The following BCHE variants were observed in gnomAD, a reference collection of about 807,000 sequenced individuals.
BCHE encodes the protein butyrylcholinesterase.
BCHE carries 48 observed loss-of-function variants against 51.3 expected under a neutral mutation model. The observed-to-expected ratio is 0.94, with a 90% CI of 0.74 to 1.19. The LOEUF (loss-of-function observed/expected upper bound fraction) is 1.19. Among genes scored for constraint, BCHE ranks in the 50% most tolerant of loss-of-function variants. BCHE has a pLI of 0.00. For synonymous variants in BCHE, 251 were observed against 238.0 expected (o/e 1.05, Z -0.50); for missense variants, 847 against 708.2 (o/e 1.20, Z -2.23).
intron 3 of BCHE, among the ~76,000 whole-genome samples, chr3:165,782,355 T>C (rs1367520664): frequency 6.6e-6 from 1 of 152,142 alleles, no homozygotes; most frequent in Non-Finnish European, 1.5e-5. Context: ...ATCAATTTTT[T>C]GTTTAATGCC....
chr3:165,783,031 G>T (rs1712767908), intron 3 of BCHE, among the ~76,000 whole-genome samples: 1 of 152,044 alleles, frequency 6.6e-6, no homozygotes, highest in Admixed American at 6.6e-5. Flanking sequence ...ATGCAAAGGT[G>T]AATTAACCCA....
chr3:165,805,998 G>C (rs2108217691), intron 2 of BCHE, among the ~76,000 whole-genome samples: 1 of 152,072 alleles, frequency 6.6e-6, no homozygotes, highest in East Asian at 1.9e-4. Flanking sequence ...TAGACCATTT[G>C]TATTGCTGCC....
At chr3:165,804,517 G>T (rs1227368828) in intron 2 of BCHE, among the ~76,000 whole-genome samples, 1 of 152,182 alleles carries the variant, frequency 6.6e-6, no homozygotes, top group East Asian at 1.9e-4. Context: ...GGCAAGTCTA[G>T]ATGGGAGACA....
chr3:165,776,936 G>A (rs16849620), intron 3 of BCHE, among the ~76,000 whole-genome samples: 3,434 of 151,664 alleles, frequency 0.023, 76 homozygotes, highest in African/African-American at 0.055. Context: ...TCAGCTGATG[G>A]CATTTAAATA....
At position 165,774,129 on chromosome 3, in the gene BCHE, G is replaced by A. The variant is rs1712367030; in HGVS notation, c.1685-623C>T. 2.0e-5 allele frequency among the ~76,000 whole-genome samples: 3 copies of A among 151,946 alleles called. No homozygotes were observed. The South Asian group carries it at 6.2e-4, about 32-fold the overall frequency. ...TGTTTATTATATTATATTGTTTAAGGAATAATGATAAGAAAAAAAGGTCTG... is the reference window on the plus strand; with the variant it reads ...TGTTTATTATATTATATTGTTTAAGAAATAATGATAAGAAAAAAAGGTCTG... On this transcript the variant is annotated intron_variant, in intron 3 of 3. Coordinates refer to ENST00000264381, the MANE Select transcript of BCHE (RefSeq NM_000055.4).
chr3:165,797,064 G>A (rs1713408824), intron 2 of BCHE, among the ~76,000 whole-genome samples: 1 of 151,928 alleles, frequency 6.6e-6, no homozygotes, highest in African/African-American at 2.4e-5. Flanking sequence ...GAATTGGGCT[G>A]AATACTAAAT....
intron 2 of BCHE, among the ~76,000 whole-genome samples, chr3:165,802,383 T>C (rs1412995014): frequency 3.3e-5 from 5 of 152,190 alleles, no homozygotes; most frequent in Admixed American, 3.3e-4. Flanking sequence ...ATCCAGGCAG[T>C]GCTAAGATCT....
At chr3:165,784,768 T>C (rs989087707) in intron 3 of BCHE, among the ~76,000 whole-genome samples, 2 of 151,884 alleles carry the variant, frequency 1.3e-5, no homozygotes, top group East Asian at 3.8e-4. Context: ...TGGCTTATAA[T>C]AAATAAGTCA....
chr3:165,820,043 T>G lies in BCHE; in HGVS notation c.1517+9474A>C, dbSNP rs536778907. ...AACATAGAAAACAAATCAGGTTATT[T>G]CCAAGTAAATCGATCCTATAAATGA... On this transcript the variant is annotated intron_variant, in intron 2 of 3. Coordinates refer to ENST00000264381, the MANE Select transcript of BCHE (RefSeq NM_000055.4). Among the ~76,000 whole-genome samples, 26 of 152,252 alleles carry G rather than the reference T, an allele frequency of 1.7e-4. 2 individuals carry two copies. In the South Asian group the frequency reaches 5.4e-3, roughly 32 times the overall value.
rs150611255 is a variant in BCHE at position 165,810,434 on chromosome 3, C to T, written c.1517+19083G>A. On this transcript the variant is annotated intron_variant, in intron 2 of 3. Transcript: ENST00000264381. ...TTTCCTTCCTGTGTGTGCAGATAGG[C>T]GTATTTTAAGAGATTCACTGAGTAC... Among the ~76,000 whole-genome samples, 64 of 152,172 alleles carry T rather than the reference C, an allele frequency of 4.2e-4. 1 individual carries two copies. Among genetic ancestry groups the T allele is most frequent in the South Asian group, 2.7e-3 (13 of 4,814 alleles).
chr3:165,808,402 C>T (rs1413371414), intron 2 of BCHE, among the ~76,000 whole-genome samples: 3 of 151,126 alleles, frequency 2.0e-5, no homozygotes, highest in Non-Finnish European at 4.4e-5. Context: ...AAATACATAC[C>T]TAATTTTTGC....
intron 2 of BCHE, among the ~76,000 whole-genome samples, chr3:165,787,294 C>T (rs925613114): frequency 5.9e-5 from 9 of 151,816 alleles, no homozygotes; most frequent in African/African-American, 7.2e-5. Flanking sequence ...TGGCTCTACA[C>T]AGTCACTACA....
In BCHE at chr3:165,814,083, G is replaced by A. The variant is rs545547207; in HGVS notation, c.1517+15434C>T. 1.2e-4 allele frequency among the ~76,000 whole-genome samples: 18 copies of A among 151,974 alleles called. No homozygotes were observed. In the East Asian group the frequency reaches 1.5e-3, roughly 13 times the overall value. ...ATATAGGTAGTATCCCTCATATTACGATATCTGAATTAATTGTATACTAAG... is the reference window on the plus strand; with the variant it reads ...ATATAGGTAGTATCCCTCATATTACAATATCTGAATTAATTGTATACTAAG... On this transcript the variant is annotated intron_variant, in intron 2 of 3. Transcript: ENST00000264381.
At chr3:165,787,377 T>G (rs376072044) in intron 2 of BCHE, among the ~76,000 whole-genome samples, 1 of 151,740 alleles carries the variant, frequency 6.6e-6, no homozygotes, top group Non-Finnish European at 1.5e-5. Context: ...TCTAGAAATA[T>G]AAATATGAAA....
At chr3:165,792,263 C>A (rs1429398882) in intron 2 of BCHE, among the ~76,000 whole-genome samples, 1 of 151,906 alleles carries the variant, frequency 6.6e-6, no homozygotes, top group Non-Finnish European at 1.5e-5. Context: ...AAGGAAACTT[C>A]AAATTCATTT....
chr3:165,805,528 A>G (rs9868011), intron 2 of BCHE, among the ~76,000 whole-genome samples: 1 of 152,164 alleles, frequency 6.6e-6, no homozygotes, highest in Admixed American at 6.5e-5. Flanking sequence ...GTTTTGTTAC[A>G]TATTTTAATT....
intron 2 of BCHE, chr3:165,828,015 C>A: frequency 2.2e-6 from 1 of 455,752 alleles, no homozygotes; most frequent in Non-Finnish European, 4.4e-6. Context: ...AATATCAAAT[C>A]AAAACCACAG....
chr3:165,784,620 A>G (rs568683538), intron 3 of BCHE, among the ~76,000 whole-genome samples: 2 of 152,006 alleles, frequency 1.3e-5, no homozygotes, highest in Non-Finnish European at 2.9e-5. Flanking sequence ...TGTTTATTTA[A>G]TCTGCTTTCT....
At chr3:165,817,189 T>C (rs1714343624) in intron 2 of BCHE, among the ~76,000 whole-genome samples, 1 of 152,050 alleles carries the variant, frequency 6.6e-6, no homozygotes, top group Non-Finnish European at 1.5e-5. Context: ...CCACATCCAA[T>C]ATCTCAGCAA....
Sources: allele counts gnomAD v4.1 joint callset (sites outside exome capture counted in the v4.1 genomes callset), GRCh38; gene constraint gnomAD v4.1.1; transcripts MANE v1.5; gene names NCBI Gene and HGNC (gene_info 2026-07-23, HGNC 2026-07-21).